The following LCMT1 variants were observed in gnomAD, a reference collection of about 807,000 sequenced individuals.
LCMT1 encodes the protein leucine carboxyl methyltransferase 1, also known as [Phosphatase 2A protein]-leucine-carboxy methyltransferase 1.
Under a neutral mutation model 47.7 loss-of-function variants are expected in LCMT1, and 32 were observed. The observed-to-expected ratio is 0.67, with a 90% CI of 0.51 to 0.90. LCMT1 has a LOEUF of 0.90. Among genes scored for constraint, LCMT1 ranks in the 40% least tolerant of loss-of-function variants. LCMT1 has a pLI of 0.00. For synonymous variants in LCMT1, 152 were observed against 149.7 expected, an observed-to-expected ratio of 1.02 and a Z score of -0.11; for missense variants, 375 against 415.2, an observed-to-expected ratio of 0.90 and a Z score of 0.84.
intron 1 of LCMT1, among the ~76,000 whole-genome samples, chr16:25,120,422 T>C (rs1408223036): frequency 6.6e-6 from 1 of 150,498 alleles, no homozygotes; most frequent in East Asian, 2.0e-4. Context: ...TTTCTTTTTT[T>C]TTCTTTTTCT....
chr16:25,151,904 T>G (rs1961093753), intron 5 of LCMT1, among the ~76,000 whole-genome samples: 1 of 150,800 alleles, frequency 6.6e-6, no homozygotes, highest in South Asian at 2.1e-4. Flanking sequence ...AGGAGGAATT[T>G]ATGCTCAGCC....
chr16:25,122,928 G>A, intron 1 of LCMT1, among the ~76,000 whole-genome samples: 1 of 152,112 alleles, frequency 6.6e-6, no homozygotes, highest in East Asian at 1.9e-4. Context: ...TGGGATATAG[G>A]CACTTGCCAC....
chr16:25,134,000 C>T (rs1265386315), intron 3 of LCMT1, among the ~76,000 whole-genome samples: 2 of 150,346 alleles, frequency 1.3e-5, no homozygotes, highest in East Asian at 2.0e-4. Flanking sequence ...CCACCGCACT[C>T]CAGCCTGGGC....
At chr16:25,153,475 CCCAAT>C (rs1961140371) in intron 5 of LCMT1, among the ~76,000 whole-genome samples, 2 of 84,746 alleles carry the variant, frequency 2.4e-5, no homozygotes, top group Non-Finnish European at 4.8e-5. Flanking sequence ...AGAACACACT[CCCAAT>C]CCCAATCCCA....
chr16:25,113,979 A>ATGGG (rs1039590797), intron 1 of LCMT1, among the ~76,000 whole-genome samples: 8 of 152,230 alleles, frequency 5.3e-5, no homozygotes, highest in Admixed American at 5.2e-4. Flanking sequence ...GGTAACCTTT[A>ATGGG]TGGGTGTCAG....
intron 7 of LCMT1, among the ~76,000 whole-genome samples, chr16:25,166,870 A>G (rs1324749432): frequency 1.3e-5 from 2 of 152,080 alleles, no homozygotes; most frequent in Non-Finnish European, 2.9e-5. Flanking sequence ...GATGGATGTA[A>G]TGGAAGCTGG....
At chr16:25,129,542 C>CT (rs909676684) in intron 2 of LCMT1, among the ~76,000 whole-genome samples, 2 of 152,042 alleles carry the variant, frequency 1.3e-5, no homozygotes, top group South Asian at 2.1e-4. Context: ...TCAGGAATCA[C>CT]TTTTTTTTCC....
At chr16:25,115,615 C>T (rs1959761090) in intron 1 of LCMT1, among the ~76,000 whole-genome samples, 1 of 152,212 alleles carries the variant, frequency 6.6e-6, no homozygotes, top group Non-Finnish European at 1.5e-5. Flanking sequence ...ATAATATCAG[C>T]TATTGCTCAA....
chr16:25,170,344 T>C (rs973646809), intron 8 of LCMT1, among the ~76,000 whole-genome samples: 1 of 151,932 alleles, frequency 6.6e-6, no homozygotes, highest in Non-Finnish European at 1.5e-5. Flanking sequence ...GGAAGTACTT[T>C]AGTGAACTTC....
At chr16:25,130,908 A>C (rs974666313) in intron 2 of LCMT1, among the ~76,000 whole-genome samples, 3 of 152,226 alleles carry the variant, frequency 2.0e-5, no homozygotes, top group African/African-American at 7.2e-5. Context: ...TCTTTCCCAG[A>C]CAGCAGAGTA....
At chr16:25,131,200 A>G (rs954626621) in intron 2 of LCMT1, among the ~76,000 whole-genome samples, 2 of 152,238 alleles carry the variant, frequency 1.3e-5, no homozygotes, top group Non-Finnish European at 2.9e-5. Context: ...ATGCCAAGAA[A>G]TTTTAAAGTG....
intron 4 of LCMT1, chr16:25,146,951 C>T (rs1356023531): frequency 6.6e-6 from 1 of 152,242 alleles, no homozygotes; most frequent in Non-Finnish European, 1.5e-5. Context: ...TCTCCATAGT[C>T]TCACTCACGT....
chr16:25,152,628 A>T (rs1360489911), intron 5 of LCMT1, among the ~76,000 whole-genome samples: 1 of 152,150 alleles, frequency 6.6e-6, no homozygotes, highest in Non-Finnish European at 1.5e-5. Context: ...CTTGGAAAAA[A>T]CTAGAAGACG....
At chr16:25,142,422 C>G (rs1960722297) in intron 4 of LCMT1, 1 of 152,164 alleles carries the variant, frequency 6.6e-6, no homozygotes, top group Non-Finnish European at 1.5e-5. Context: ...TTAGGTCCAC[C>G]ATAAGAGGTG....
chr16:25,139,698 C>G (rs879612182), intron 3 of LCMT1, among the ~76,000 whole-genome samples: 2 of 151,970 alleles, frequency 1.3e-5, no homozygotes, highest in Non-Finnish European at 2.9e-5. Context: ...ATCGTTTAAA[C>G]TTTTTAATTT....
intron 10 of LCMT1, among the ~76,000 whole-genome samples, chr16:25,177,381 T>C (rs1961980784): frequency 6.6e-6 from 1 of 152,208 alleles, no homozygotes; most frequent in Non-Finnish European, 1.5e-5. Flanking sequence ...TGTTTGTTTT[T>C]ATAATAAGAG....
chr16:25,153,656 A>T (rs555418256), intron 5 of LCMT1, among the ~76,000 whole-genome samples: 35 of 152,256 alleles, frequency 2.3e-4, no homozygotes, highest in Admixed American at 9.8e-4. Context: ...GATTTAAAAA[A>T]TTTTCTACCA....
intron 8 of LCMT1, among the ~76,000 whole-genome samples, chr16:25,169,722 A>G (rs1178481273): frequency 6.6e-6 from 1 of 151,928 alleles, no homozygotes; most frequent in Non-Finnish European, 1.5e-5. Flanking sequence ...TTTAATGCCC[A>G]GTTCATGTTC....
chr16:25,137,721 G>A (rs1477683894), intron 3 of LCMT1, among the ~76,000 whole-genome samples: 1 of 151,270 alleles, frequency 6.6e-6, no homozygotes, highest in Non-Finnish European at 1.5e-5. Context: ...TGGGATTACA[G>A]GTGTGAGCCA....
Sources: allele counts gnomAD v4.1 joint callset (sites outside exome capture counted in the v4.1 genomes callset), GRCh38; gene constraint gnomAD v4.1.1; transcripts MANE v1.5; gene names NCBI Gene and HGNC (gene_info 2026-07-23, HGNC 2026-07-21).